THSD7B: variants seen among roughly 807,000 people sequenced by gnomAD.
The protein encoded by THSD7B is thrombospondin type 1 domain containing 7B, also known as thrombospondin type-1 domain-containing protein 7B.
In THSD7B, 138 loss-of-function variants were observed where a neutral mutation model predicts 213.6. The ratio of observed to expected loss-of-function variants is 0.65; its 90% CI spans 0.56 to 0.74. THSD7B has a LOEUF of 0.74. Ranked by LOEUF, THSD7B falls within the 30% of genes least tolerant of loss-of-function variation. The pLI is 0.00. For missense variants in THSD7B, 1,931 were observed against 1,991.5 expected, an observed-to-expected ratio of 0.97 and a Z score of 0.58; for synonymous variants, 742 against 687.0, an observed-to-expected ratio of 1.08 and a Z score of -1.25.
chr2:136,982,385 G>A (rs960232258), intron 2 of THSD7B, among the ~76,000 whole-genome samples: 2 of 151,438 alleles, frequency 1.3e-5, no homozygotes, highest in African/African-American at 2.4e-5. Flanking sequence ...GGCTGGTCTC[G>A]AACCCTGGGC....
intron 12 of THSD7B, among the ~76,000 whole-genome samples, chr2:137,382,100 C>T (rs1193914003): frequency 2.6e-5 from 4 of 152,144 alleles, no homozygotes; most frequent in Non-Finnish European, 5.9e-5. Flanking sequence ...TGGGACAGTA[C>T]CACTACGTGG....
chr2:137,321,830 A>G (rs1227181373), intron 12 of THSD7B, among the ~76,000 whole-genome samples: 1 of 152,242 alleles, frequency 6.6e-6, no homozygotes. Context: ...TTCATGGAGT[A>G]TAAATTCTTG....
intron 12 of THSD7B, among the ~76,000 whole-genome samples, chr2:137,301,743 C>T (rs1683606992): frequency 6.6e-6 from 1 of 151,916 alleles, no homozygotes; most frequent in Non-Finnish European, 1.5e-5. Context: ...TAGTAAAGAC[C>T]TTGATGCATT....
intron 1 of THSD7B, among the ~76,000 whole-genome samples, chr2:136,860,938 T>C (rs1275392954): frequency 6.6e-6 from 1 of 152,246 alleles, no homozygotes; most frequent in East Asian, 1.9e-4. Flanking sequence ...CTTCAGTGCC[T>C]CAGGACATCA....
intron 7 of THSD7B, among the ~76,000 whole-genome samples, chr2:137,200,947 G>A (rs912715019): frequency 6.6e-6 from 1 of 152,098 alleles, no homozygotes; most frequent in African/African-American, 2.4e-5. Context: ...GGGATTATAG[G>A]TATAGAGCCA....
intron 3 of THSD7B, among the ~76,000 whole-genome samples, chr2:137,063,426 A>G (rs1438380112): frequency 6.6e-6 from 1 of 151,806 alleles, no homozygotes; most frequent in Non-Finnish European, 1.5e-5. Context: ...GTATATATTT[A>G]TGGGTTACAT....
intron 15 of THSD7B, among the ~76,000 whole-genome samples, chr2:137,460,824 T>A (rs557974740): frequency 6.6e-6 from 1 of 152,218 alleles, no homozygotes; most frequent in South Asian, 2.1e-4. Flanking sequence ...TAACATATCA[T>A]CAATATATCA....
chr2:137,676,541 A>C lies in THSD7B; in HGVS notation c.4757A>C (p.His1586Pro), dbSNP rs1683703661. The change falls in exon 28 of 28, where the codon CAT becomes CCT. Residue 1586 changes from histidine (H) to proline (P), a missense_variant. Coordinates refer to ENST00000409968, the MANE Select transcript of THSD7B (RefSeq NM_001316349.2). ...CTTTGCAGCAAGAAGCCAAAACCAC[A>C]TCAAAGCACACCTCCCCAACAGAAG... ...SYLVCKKPKP[H>P]QSTPPQQKPL... 3.8e-6 allele frequency: 6 copies of C among 1,597,554 alleles called. No individual in the cohort carries two copies. The highest frequency in any genetic ancestry group is 1.1e-5 in the South Asian group (1 of 87,540).
intron 1 of THSD7B, among the ~76,000 whole-genome samples, chr2:136,854,965 C>T (rs181448969): frequency 6.6e-6 from 1 of 152,224 alleles, no homozygotes; most frequent in Admixed American, 6.5e-5. Flanking sequence ...ATATAAGAAG[C>T]CCTTTCCCAG....
At position 137,100,919 on chromosome 2, in the gene THSD7B, T is replaced by C. The variant is rs181164549; in HGVS notation, c.1199+5798T>C. ...AAAAAAATCTGTCTGTCATTGGTTATGAGGGTTACTTCAAAAAAGGTGAGG... is the reference window on the plus strand; with the variant it reads ...AAAAAAATCTGTCTGTCATTGGTTACGAGGGTTACTTCAAAAAAGGTGAGG... On this transcript the variant is annotated intron_variant, in intron 4 of 27. Transcript: ENST00000409968. Among the ~76,000 whole-genome samples the C allele has an allele frequency of 3.4e-3, 521 of 152,294 alleles. 1 individual carries two copies. Among genetic ancestry groups the C allele is most frequent in the Non-Finnish European group, 5.2e-3 (351 of 68,028 alleles).
intron 2 of THSD7B, among the ~76,000 whole-genome samples, chr2:137,043,510 T>A (rs1362674709): frequency 6.6e-6 from 1 of 152,174 alleles, no homozygotes; most frequent in East Asian, 1.9e-4. Flanking sequence ...TCACTGACAT[T>A]GAATTTCGAT....
At chr2:137,058,775 C>A (rs139366134) in intron 3 of THSD7B, among the ~76,000 whole-genome samples, 3 of 152,138 alleles carry the variant, frequency 2.0e-5, no homozygotes, top group African/African-American at 7.2e-5. Context: ...GGGATTAGTG[C>A]GCCATGAGAG....
At chr2:137,366,607 T>A (rs1458089295) in intron 12 of THSD7B, among the ~76,000 whole-genome samples, 2 of 151,642 alleles carry the variant, frequency 1.3e-5, no homozygotes, top group East Asian at 3.9e-4. Context: ...CTTCAAAAGA[T>A]GCTATTGACA....
rs563808124 is a variant in THSD7B at position 137,540,225 on chromosome 2, T to C, written c.3139-22996T>C. Among the ~76,000 whole-genome samples the C allele has an allele frequency of 1.1e-4, 16 of 151,742 alleles. 1 individual carries two copies. The South Asian group carries it at 3.3e-3, about 31-fold the overall frequency. Reference sequence around the variant, plus strand: ...ACTTGATTTAGAGAAGTAGGCAATGTCAGCAAAAATAGTGGAGAAAAGATC... The same window carrying C: ...ACTTGATTTAGAGAAGTAGGCAATGCCAGCAAAAATAGTGGAGAAAAGATC... On this transcript the variant is annotated intron_variant, in intron 15 of 27. Coordinates refer to ENST00000409968, the MANE Select transcript of THSD7B (RefSeq NM_001316349.2).
At chr2:137,150,099 A>C (rs940876337) in intron 5 of THSD7B, among the ~76,000 whole-genome samples, 1 of 151,922 alleles carries the variant, frequency 6.6e-6, no homozygotes, top group Non-Finnish European at 1.5e-5. Flanking sequence ...AAAACTAGCC[A>C]GGTGTGGTGG....
At chr2:137,432,500 G>A (rs1241752767) in intron 14 of THSD7B, among the ~76,000 whole-genome samples, 1 of 152,158 alleles carries the variant, frequency 6.6e-6, no homozygotes, top group Non-Finnish European at 1.5e-5. Context: ...TACTCTTCAG[G>A]CTAAATATCC....
intron 2 of THSD7B, among the ~76,000 whole-genome samples, chr2:137,039,414 G>A (rs1686837928): frequency 6.6e-6 from 1 of 152,218 alleles, no homozygotes; most frequent in Non-Finnish European, 1.5e-5. Flanking sequence ...ATTGCCATAA[G>A]CGGAGAGGGG....
intron 15 of THSD7B, among the ~76,000 whole-genome samples, chr2:137,546,475 TATAA>T (rs1321473804): frequency 1.7e-5 from 1 of 60,530 alleles, no homozygotes; most frequent in African/African-American, 7.9e-5. Context: ...TATATATATA[TATAA>T]TATATATATA....
At chr2:137,568,275 A>G (rs1304880744) in intron 16 of THSD7B, among the ~76,000 whole-genome samples, 1 of 152,094 alleles carries the variant, frequency 6.6e-6, no homozygotes, top group African/African-American at 2.4e-5. Flanking sequence ...TTTTGCAATG[A>G]ATTTGAGTAA....
Sources: gnomAD v4.1 joint callset for allele counts (sites outside exome capture counted in the v4.1 genomes callset) on GRCh38, gnomAD v4.1.1 for gene constraint, MANE v1.5 for transcripts, NCBI Gene and HGNC (gene_info 2026-07-23, HGNC 2026-07-21) for gene names.